Variants in PHF19 observed in about 807,000 individuals in gnomAD.
PHF19 encodes PHD finger protein 19, also known as polycomb like 3.
In PHF19, 21 loss-of-function variants were observed where a neutral mutation model predicts 79.8. The ratio of observed to expected loss-of-function variants is 0.26; its 90% CI spans 0.19 to 0.38. PHF19 has a LOEUF of 0.38. Among genes scored for constraint, PHF19 ranks in the 10% least tolerant of loss-of-function variants. The pLI is 1.00. For synonymous variants in PHF19, 273 were observed against 296.3 expected (o/e 0.92, Z 0.81); for missense variants, 445 against 744.2 (o/e 0.60, Z 4.68).
chr9:120,898,180 G>A (rs751249273), upstream of PHF19, among the ~76,000 whole-genome samples: 6 of 152,144 alleles, frequency 3.9e-5, no homozygotes, highest in Non-Finnish European at 8.8e-5. Context: ...GCAATGGCAC[G>A]ATCTCAGTTC....
rs1326367637 is a variant in PHF19, at chr9:120,861,077, C to T, written c.1304+12G>A. The T allele has an allele frequency of 1.0e-5, 15 of 1,492,480 alleles. No individual in the cohort carries two copies. The highest frequency in any genetic ancestry group is 2.3e-5 in the East Asian group (1 of 44,320). The allele number at this position is 1,492,480 out of a possible 1,614,324, so 92.5% of individuals were successfully genotyped here. On this transcript the variant is annotated intron_variant, in intron 13 of 14. Coordinates refer to ENST00000373896, the MANE Select transcript of PHF19 (RefSeq NM_015651.3). ...CCAGAGCAGACCTCTGTGCTAGGTC[C>T]CTCACTGATACCTTTTTAAACTTTG... is the stretch of plus-strand genomic sequence containing the variant.
At position 120,870,121 on chromosome 9, in the gene PHF19, G is replaced by A. The variant is rs2045851317; in HGVS notation, c.365-176C>T. On this transcript the variant is annotated intron_variant, in intron 4 of 14. Transcript: ENST00000373896. The surrounding 1 kb of genome is among the most constrained non-coding windows in gnomAD (Gnocchi z 4.4). ...ATGGCCAAGTCAGTGTCCAGGCTGGGAACTAAATGACAGCATTGGCCAGTT... is the reference window on the plus strand; with the variant it reads ...ATGGCCAAGTCAGTGTCCAGGCTGGAAACTAAATGACAGCATTGGCCAGTT... Among the ~76,000 whole-genome samples the A allele has an allele frequency of 6.6e-6, 1 of 152,054 alleles. No homozygotes were observed. The highest frequency in any genetic ancestry group is 2.4e-5 in the African/African-American group (1 of 41,426).
At chr9:120,895,270 A>G (rs565627172), upstream of PHF19, among the ~76,000 whole-genome samples, 1 of 152,250 alleles carries the variant, frequency 6.6e-6, no homozygotes, top group East Asian at 1.9e-4. Context: ...TCCCAGAGTT[A>G]CTAAGACTTA....
At chr9:120,879,130 T>C (rs1319879473), upstream of PHF19, among the ~76,000 whole-genome samples, 2 of 152,126 alleles carry the variant, frequency 1.3e-5, no homozygotes, top group South Asian at 2.1e-4. Context: ...CTCACCTAAA[T>C]AGAGTTATTG....
Position 120,869,633 on chromosome 9 carries a change from C to T in PHF19, c.465+212G>A, listed in dbSNP as rs1392573482. ...CATCATTTATTGGTCCCGTTATTCCCGACACCAAACCCATCTCCACTTTAC... is the reference window on the plus strand; with the variant it reads ...CATCATTTATTGGTCCCGTTATTCCTGACACCAAACCCATCTCCACTTTAC... On this transcript the variant is annotated intron_variant, in intron 5 of 14. Transcript: ENST00000373896. This position sits in a 1 kb window ranked among gnomAD's most constrained non-coding sequence, Gnocchi z 5.8. The T allele has an allele frequency of 3.3e-6, 5 of 1,525,948 alleles. No individual in the cohort carries two copies. Among genetic ancestry groups the T allele is most frequent in the Admixed American group, 2.0e-5 (1 of 48,788 alleles). The allele number at this position is 1,525,948 out of a possible 1,614,324, so 94.5% of individuals were successfully genotyped here. A position where few individuals can be genotyped will look rare whatever the true frequency, so the allele number is the denominator to read the frequency against.
intron 1 of PHF19, among the ~76,000 whole-genome samples, chr9:120,893,518 T>C (rs1303441860): frequency 6.6e-6 from 1 of 152,244 alleles, no homozygotes; most frequent in African/African-American, 2.4e-5. Flanking sequence ...ACATTCCCTT[T>C]CTGGAAGCCT....
intron 8 of PHF19, 37 bp from the exon 9 acceptor site, chr9:120,865,867 T>C (rs2045683128): frequency 6.2e-7 from 1 of 1,613,474 alleles, no homozygotes; most frequent in Non-Finnish European, 8.5e-7. Context: ...CCAGGTGAGG[T>C]GGCAGCCTGC....
Position 120,858,152 on chromosome 9 carries a change from C to T in PHF19, c.1535G>A (p.Arg512Gln), listed in dbSNP as rs61736457. ...GTGGCTGTCAATGCCTTCGTCTGGC[C>T]GCTCGGGGACTGAAGCCCCCTCTGC... Reference protein sequence around the residue: ...SSAEGASVPERPDEGIDSHTF... With the variant: ...SSAEGASVPEQPDEGIDSHTF... The change falls in exon 15 of 15, where the codon CGG (arginine) becomes CAG (glutamine). Residue 512 changes from arginine (R) to glutamine (Q), a missense_variant. Physicochemically the swap from Arg to Gln is conservative, Grantham distance 43. Coordinates refer to ENST00000373896, the MANE Select transcript of PHF19 (RefSeq NM_015651.3). 2.5e-4 allele frequency: 403 copies of T among 1,613,288 alleles called. No homozygotes were observed. Among genetic ancestry groups the T allele is most frequent in the Non-Finnish European group, 3.1e-4 (371 of 1,179,402 alleles).
chr9:120,859,111 T>C (rs970568367), intron 14 of PHF19, among the ~76,000 whole-genome samples: 13 of 152,152 alleles, frequency 8.5e-5, no homozygotes, highest in Middle Eastern at 3.4e-3. Context: ...AGAGTGAGAC[T>C]GTCTCAAACC....
At position 120,861,237 on chromosome 9, in the gene PHF19, A is replaced by T. The variant is rs1000886419; in HGVS notation, c.1219-63T>A. On this transcript the variant is annotated intron_variant, in intron 12 of 14. Transcript: ENST00000373896. ...CGAGTATCAAATCCACCTCCCACAC[A>T]GGCTGCCTCCTATCCAGCCAGGGCC... is the stretch of plus-strand genomic sequence containing the variant. 6.4e-6 allele frequency: 6 copies of T among 938,920 alleles called. No homozygotes were observed. In the Admixed American group the frequency reaches 1.0e-4, roughly 16 times the overall value. 58.2% of individuals were successfully genotyped at this position (938,920 alleles called of 1,614,324 possible).
chr9:120,876,787 A>T (rs1002123831), intron 1 of PHF19, among the ~76,000 whole-genome samples: 2 of 152,140 alleles, frequency 1.3e-5, no homozygotes, highest in Non-Finnish European at 2.9e-5. Flanking sequence ...CTGACTTCGG[A>T]CGTGAGCGAA....
upstream of PHF19, among the ~76,000 whole-genome samples, chr9:120,896,395 G>A (rs1006806647): frequency 2.0e-5 from 3 of 150,600 alleles, no homozygotes; most frequent in Non-Finnish European, 4.4e-5. Flanking sequence ...TCTGAACCAT[G>A]AGACAGTGTT....
At chr9:120,884,518 C>A (rs2046236597) in intron 1 of PHF19, among the ~76,000 whole-genome samples, 1 of 152,106 alleles carries the variant, frequency 6.6e-6, no homozygotes, top group South Asian at 2.1e-4. Flanking sequence ...CAGAGGAGAG[C>A]AAATAAGAAG....
intron 3 of PHF19, 89 bp downstream of exon 3, chr9:120,873,890 G>C: frequency 1.4e-6 from 1 of 727,506 alleles, no homozygotes; most frequent in Admixed American, 2.1e-5. Flanking sequence ...AGGAGTAAGA[G>C]ATGGAAGGAC....
chr9:120,879,981 C>T (rs749184454), upstream of PHF19, among the ~76,000 whole-genome samples: 5 of 147,396 alleles, frequency 3.4e-5, no homozygotes, highest in South Asian at 2.1e-4. Flanking sequence ...CAGATGGGCA[C>T]GGAGTCGAGT....
the PHF19 span, chr9:120,903,928 C>T: frequency 2.6e-5 from 4 of 152,252 alleles, no homozygotes; most frequent in African/African-American, 9.6e-5. Context: ...TGGCTCAGTA[C>T]AAACAACTCC....
chr9:120,873,457 T>C (rs1457088944), intron 3 of PHF19, among the ~76,000 whole-genome samples: 1 of 152,218 alleles, frequency 6.6e-6, no homozygotes, highest in East Asian at 1.9e-4. Context: ...GGCATGTCCA[T>C]CTTCACCCTG....
chr9:120,876,426 G>GCCGGGCGGGGGCCC (rs1554820470), intron 1 of PHF19: 3 of 151,996 alleles, frequency 2.0e-5, no homozygotes, highest in Admixed American at 6.5e-5. Context: ...CTCCACCCTG[G>GCCGGGCGGGGGCCC]CCGGGCGGGG....
In PHF19 at chr9:120,858,394, C is replaced by T. The variant is rs150823811; in HGVS notation, c.1401-108G>A. On this transcript the variant is annotated intron_variant, in intron 14 of 14. Transcript: ENST00000373896. Reference sequence around the variant, plus strand: ...GTACCAGGAAAGTGGAAGAGAAAAGCGCTGAACAGCATTCTCTTATCCATC... The same window carrying T: ...GTACCAGGAAAGTGGAAGAGAAAAGTGCTGAACAGCATTCTCTTATCCATC... 1.3e-4 allele frequency: 99 copies of T among 783,212 alleles called. No homozygotes were observed. The East Asian group carries it at 2.5e-3, about 20-fold the overall frequency. 48.5% of individuals were successfully genotyped at this position (783,212 alleles called of 1,614,324 possible).
Sources: allele counts gnomAD v4.1 joint callset (sites outside exome capture counted in the v4.1 genomes callset), GRCh38; gene constraint gnomAD v4.1.1; non-coding constraint Gnocchi (gnomAD v3.1); transcripts MANE v1.5; gene names NCBI Gene and HGNC (gene_info 2026-07-23, HGNC 2026-07-21).